KCNQ5: variants seen among roughly 807,000 people sequenced by gnomAD.
KCNQ5 encodes potassium voltage-gated channel subfamily Q member 5.
A neutral mutation model predicts 98.2 loss-of-function variants in KCNQ5; 30 were observed. That is an observed-to-expected ratio of 0.31 (90% CI 0.23 to 0.41). The LOEUF is 0.41. Ranked by LOEUF, KCNQ5 falls within the 10% of genes least tolerant of loss-of-function variation. The probability of loss-of-function intolerance (pLI) is 1.00; values close to 1 mark genes in which losing one functional copy is unlikely to be tolerated. For synonymous variants in KCNQ5, 458 were observed against 449.4 expected, an observed-to-expected ratio of 1.02 and a Z score of -0.24; for missense variants, 835 against 1,182.5, an observed-to-expected ratio of 0.71 and a Z score of 4.31.
intron 10 of KCNQ5, among the ~76,000 whole-genome samples, chr6:73,137,693 C>T (rs1016281315): frequency 3.3e-5 from 5 of 152,072 alleles, no homozygotes; most frequent in Admixed American, 1.3e-4. Flanking sequence ...GAGGTATTAT[C>T]CCCATTTTAT....
chr6:72,909,508 A>ATAAG lies in KCNQ5; in HGVS notation c.399-94399_399-94396dup, dbSNP rs148729013. 8.8e-3 allele frequency among the ~76,000 whole-genome samples: 1,337 copies of ATAAG among 152,270 alleles called. 12 individuals are homozygous for ATAAG. Among genetic ancestry groups the ATAAG allele is most frequent in the Middle Eastern group, 0.034 (10 of 292 alleles). ...CTTGTTTCCATGGTTAGAGGCTAGG[A>ATAAG]TAAGGTAATGTTTGTAGTGGTTTAG... On this transcript the variant is annotated intron_variant, in intron 1 of 13. Coordinates refer to ENST00000370398, the MANE Select transcript of KCNQ5 (RefSeq NM_019842.4).
chr6:72,954,109 A>G (rs2150257428), intron 1 of KCNQ5, among the ~76,000 whole-genome samples: 1 of 152,324 alleles, frequency 6.6e-6, no homozygotes, highest in East Asian at 1.9e-4. Context: ...GAATATGTCT[A>G]TGTCTTTGAG....
chr6:72,753,571 A>C (rs1410441179), intron 1 of KCNQ5, among the ~76,000 whole-genome samples: 2 of 152,122 alleles, frequency 1.3e-5, no homozygotes, highest in African/African-American at 2.4e-5. Context: ...CGTGAGTTTC[A>C]GTTCAACATC....
intron 3 of KCNQ5, 24 bp downstream of exon 3, chr6:73,042,086 C>T (rs1404608551): frequency 6.2e-7 from 1 of 1,612,384 alleles, no homozygotes; most frequent in South Asian, 1.1e-5. Context: ...TCTCAGATAC[C>T]TGGACTATGA....
In KCNQ5 at chr6:72,829,357, T is replaced by C. The variant is rs138721974; in HGVS notation, c.399-174551T>C. Among the ~76,000 whole-genome samples the C allele has an allele frequency of 2.0e-3, 300 of 152,286 alleles. 1 individual carries two copies. The highest frequency in any genetic ancestry group is 6.9e-3 in the African/African-American group (285 of 41,580). On this transcript the variant is annotated intron_variant, in intron 1 of 13. Transcript: ENST00000370398. ...TGAGAAATATTTTTGGCCCAAGGCA[T>C]TTTTGTTCACACCTTATAAAGGAGC...
intron 1 of KCNQ5, among the ~76,000 whole-genome samples, chr6:72,655,022 G>GTCTTTCTTTCTTTCTTTCTT (rs1254231605): frequency 5.9e-5 from 7 of 119,054 alleles, no homozygotes; most frequent in Admixed American, 9.0e-5. Flanking sequence ...GCCAAGGTCT[G>GTCTTTCTTTCTTTCTTTCTT]TCTGTCTTTC....
At chr6:73,149,844 A>AAGG (rs1777081433) in intron 10 of KCNQ5, among the ~76,000 whole-genome samples, 1 of 150,990 alleles carries the variant, frequency 6.6e-6, no homozygotes, top group Non-Finnish European at 1.5e-5. Flanking sequence ...GGAAGGAAGG[A>AAGG]AGGAAGGAAG....
chr6:73,071,595 C>CA (rs1257860539), intron 3 of KCNQ5, among the ~76,000 whole-genome samples: 2 of 152,178 alleles, frequency 1.3e-5, no homozygotes, highest in Non-Finnish European at 2.9e-5. Flanking sequence ...AGGCTGCCTC[C>CA]ACTCATGGCA....
chr6:72,700,771 C>T (rs2154474637), intron 1 of KCNQ5, among the ~76,000 whole-genome samples: 1 of 152,314 alleles, frequency 6.6e-6, no homozygotes, highest in African/African-American at 2.4e-5. Flanking sequence ...CTAGCACCGG[C>T]ACATTCCCAG....
intron 1 of KCNQ5, among the ~76,000 whole-genome samples, chr6:72,648,240 A>G (rs1311692357): frequency 6.6e-6 from 1 of 152,194 alleles, no homozygotes; most frequent in Non-Finnish European, 1.5e-5. Flanking sequence ...ACTGAGGATC[A>G]CTTCTTGCCA....
intron 8 of KCNQ5, among the ~76,000 whole-genome samples, chr6:73,122,774 G>A (rs192173012): frequency 8.5e-5 from 13 of 152,284 alleles, no homozygotes; most frequent in African/African-American, 2.9e-4. Context: ...ATCAATGCAC[G>A]AGAAAATCAA....
intron 1 of KCNQ5, among the ~76,000 whole-genome samples, chr6:72,862,598 A>T (rs1283630796): frequency 6.6e-6 from 1 of 152,144 alleles, no homozygotes; most frequent in Non-Finnish European, 1.5e-5. Context: ...GCTAGGGGAA[A>T]AAACCTAGCC....
Position 73,157,443 on chromosome 6 carries a change from T to C in KCNQ5, c.1469-12303T>C, listed in dbSNP as rs1019713403. On this transcript the variant is annotated intron_variant, in intron 10 of 13. Coordinates refer to ENST00000370398, the MANE Select transcript of KCNQ5 (RefSeq NM_019842.4). The stretch of plus-strand genomic sequence containing the variant: ...ACAGGCCGCCCGGGGGCGGGGGCGG[T>C]GGGAGCTCAGGGCGCCTGTCCCGGC... 8 of 663,308 alleles carry C rather than the reference T, an allele frequency of 1.2e-5. No individual in the cohort carries two copies. In the African/African-American group the frequency reaches 1.4e-4, roughly 12 times the overall value. The allele number at this position is 663,308 out of a possible 1,614,324, so 41.1% of individuals were successfully genotyped here.
chr6:73,006,755 G>A (rs1769831883), intron 2 of KCNQ5, among the ~76,000 whole-genome samples: 1 of 152,208 alleles, frequency 6.6e-6, no homozygotes, highest in African/African-American at 2.4e-5. Context: ...AACACCAGAG[G>A]TGTACATTTA....
intron 1 of KCNQ5, among the ~76,000 whole-genome samples, chr6:72,634,467 T>A (rs1466605692): frequency 6.6e-6 from 1 of 152,206 alleles, no homozygotes; most frequent in Non-Finnish European, 1.5e-5. Context: ...TTGCAAATAG[T>A]TTGTGTATGT....
At position 73,194,793 on chromosome 6, in the gene KCNQ5, G is replaced by A; in HGVS notation, c.2178G>A (p.Val726=). The change falls in exon 14 of 14, where the codon GTG becomes GTA. Residue 726 remains valine, a synonymous_variant. Transcript: ENST00000370398. ...VPISQSDGSA[V]AATNTIANQI... ...TTAGTCAAAGCGATGGCTCAGCAGT[G>A]GCAGCCACCAACACCATTGCAAACC... is the stretch of plus-strand genomic sequence containing the variant. The A allele has an allele frequency of 6.2e-7, 1 of 1,614,190 alleles. No homozygotes were observed.
chr6:73,085,442 G>T (rs372392771), intron 5 of KCNQ5, among the ~76,000 whole-genome samples: 1 of 152,142 alleles, frequency 6.6e-6, no homozygotes, highest in Admixed American at 6.5e-5. Context: ...CCAACAAAAG[G>T]CCCCTTTGCT....
At chr6:72,854,733 C>CAT (rs1359742042) in intron 1 of KCNQ5, among the ~76,000 whole-genome samples, 3 of 109,464 alleles carry the variant, frequency 2.7e-5, no homozygotes, top group African/African-American at 9.8e-5. Context: ...CACACACACA[C>CAT]ACACACACAC....
chr6:73,041,942 G>C lies in KCNQ5; in HGVS notation c.496G>C (p.Val166Leu). Residue 166 changes from valine (V) to leucine (L), a missense_variant, in exon 3 of 14, where the codon GTG (valine) becomes CTG (leucine). Val to Leu is a conservative substitution (Grantham distance 32). This residue lies in a region of KCNQ5 where 20 missense variants were observed against 16.1 expected (regional missense o/e 1.24). Transcript: ENST00000370398. ...GTCTTATCTGATATTTTAGGAGTTCGTGATGATTGTCGTCTTTGGTTTGGA... is the reference window on the plus strand; with the variant it reads ...GTCTTATCTGATATTTTAGGAGTTCCTGATGATTGTCGTCTTTGGTTTGGA... The part of the protein sequence containing the change: ...ASSCLLILEF[V>L]MIVVFGLEFI... The C allele has an allele frequency of 6.2e-7, 1 of 1,613,816 alleles. No individual in the cohort carries two copies. The highest frequency in any genetic ancestry group is 8.5e-7 in the Non-Finnish European group (1 of 1,179,738).
Sources: gnomAD v4.1 joint callset for allele counts (sites outside exome capture counted in the v4.1 genomes callset) on GRCh38, gnomAD v4.1.1 for gene constraint, gnomAD v4.1.1 regional missense constraint, MANE v1.5 for transcripts, NCBI Gene and HGNC (gene_info 2026-07-23, HGNC 2026-07-21) for gene names.